CEP89: variants seen among roughly 807,000 people sequenced by gnomAD.
CEP89 encodes the protein centrosomal protein of 89 kDa.
CEP89 carries 95 observed loss-of-function variants against 97.6 expected under a neutral mutation model. The ratio of observed to expected loss-of-function variants is 0.97; its 90% CI spans 0.82 to 1.15. The LOEUF is 1.15. Ranked by LOEUF, CEP89 falls within the 50% of genes most tolerant of loss-of-function variation. The pLI is 0.00. For synonymous variants in CEP89, 354 were observed against 349.1 expected (o/e 1.01, Z -0.16); for missense variants, 869 against 947.7 (o/e 0.92, Z 1.09).
Position 32,879,138 on chromosome 19 carries a change from C to T in CEP89, c.*24G>A, listed in dbSNP as rs1482441009. On this transcript the variant is annotated 3_prime_UTR_variant, in exon 19 of 19. Transcript: ENST00000305768. ...GGCAGACCTTTCAGGCCAGAGGAGGCTACACCACGGGCTCCCGCAGATTCT... is the reference window on the plus strand; with the variant it reads ...GGCAGACCTTTCAGGCCAGAGGAGGTTACACCACGGGCTCCCGCAGATTCT... 6.3e-7 allele frequency: 1 copy of T among 1,578,036 alleles called. No homozygotes were observed. The highest frequency in any genetic ancestry group is 1.8e-5 in the Admixed American group (1 of 56,992).
chr19:32,894,318 T>C (rs566074464), intron 16 of CEP89, among the ~76,000 whole-genome samples: 1 of 152,302 alleles, frequency 6.6e-6, no homozygotes, highest in Non-Finnish European at 1.5e-5. Flanking sequence ...TGCGCCCTTG[T>C]ATGTCAGCAC....
At chr19:32,930,176 C>T (rs182979135) in intron 9 of CEP89, among the ~76,000 whole-genome samples, 2 of 151,936 alleles carry the variant, frequency 1.3e-5, no homozygotes, top group Non-Finnish European at 2.9e-5. Flanking sequence ...CAGGTGCGCA[C>T]GACCATGCCT....
intron 7 of CEP89, 155 bp downstream of exon 7, chr19:32,937,476 T>C (rs1215760609): frequency 6.1e-6 from 4 of 651,270 alleles, no homozygotes; most frequent in Non-Finnish European, 1.1e-5. Context: ...ATACGTCCAC[T>C]ACCTAGTGTT....
At chr19:32,918,385 TG>T (rs778058343) in intron 12 of CEP89, 46 bp from the exon 13 acceptor site, 9 of 1,394,998 alleles carry the variant, frequency 6.5e-6, no homozygotes, top group Non-Finnish European at 9.2e-6. Flanking sequence ...AGGTGCTGAA[TG>T]GTTACAGAAA....
chr19:32,886,428 G>C (rs1207964221), intron 17 of CEP89, among the ~76,000 whole-genome samples: 1 of 152,096 alleles, frequency 6.6e-6, no homozygotes, highest in African/African-American at 2.4e-5. Flanking sequence ...GGTTTGGAGG[G>C]GCTTCTGCCT....
chr19:32,920,176 T>G (rs1246607557), intron 12 of CEP89, among the ~76,000 whole-genome samples: 1 of 152,152 alleles, frequency 6.6e-6, no homozygotes, highest in African/African-American at 2.4e-5. Context: ...TAGCTAGGAC[T>G]ACAGGTGCAT....
chr19:32,892,202 CATATATAT>C (rs71336973), intron 16 of CEP89, among the ~76,000 whole-genome samples: 13,842 of 114,660 alleles, frequency 0.12, 942 homozygotes, highest in Middle Eastern at 0.17. Context: ...TATATTTAGA[CATATATAT>C]ATATATATAT....
chr19:32,971,509 TA>T, intron 1 of CEP89: 1 of 548,132 alleles, frequency 1.8e-6, no homozygotes, highest in South Asian at 2.6e-5. Flanking sequence ...ATTGAACAAT[TA>T]GCCGGGAGTA....
chr19:32,918,431 T>C lies in CEP89; in HGVS notation c.1269-92A>G. 7 of 857,898 alleles carry C rather than the reference T, an allele frequency of 8.2e-6. No homozygotes were observed. The South Asian group carries it at 1.0e-4, about 12-fold the overall frequency. 53.1% of individuals were successfully genotyped at this position (857,898 alleles called of 1,614,324 possible). Reference sequence around the variant, plus strand: ...ATCTAAAAGGAAGCAATGGCTGCATTACAGGTAATGAATATCAAGTCATGT... The same window carrying C: ...ATCTAAAAGGAAGCAATGGCTGCATCACAGGTAATGAATATCAAGTCATGT... On this transcript the variant is annotated intron_variant, in intron 12 of 18. Coordinates refer to ENST00000305768, the MANE Select transcript of CEP89 (RefSeq NM_032816.5).
chr19:32,927,918 T>C (rs12983028), intron 9 of CEP89, among the ~76,000 whole-genome samples: 335 of 126,786 alleles, frequency 2.6e-3, no homozygotes, highest in African/African-American at 6.1e-3. Context: ...TTTTTTTTTT[T>C]CTTTTTTTTT....
intron 16 of CEP89, among the ~76,000 whole-genome samples, chr19:32,897,223 T>G (rs899010079): frequency 4.6e-5 from 7 of 152,236 alleles, no homozygotes; most frequent in Non-Finnish European, 8.8e-5. Context: ...TCTTTCTATG[T>G]AAGACTGAAT....
chr19:32,904,407 G>A (rs1969846798), intron 14 of CEP89, among the ~76,000 whole-genome samples: 1 of 152,110 alleles, frequency 6.6e-6, no homozygotes, highest in Non-Finnish European at 1.5e-5. Context: ...CTGTCAGCTT[G>A]GAATTCTTCA....
At position 32,918,242 on chromosome 19, in the gene CEP89, G is replaced by C; in HGVS notation, c.1366C>G (p.Gln456Glu). ...ACCTCACCTTCTTGGAGGCGCTCCT[G>C]GTGGCTGTCCTTGGCTTTCCTTTGC... is the stretch of plus-strand genomic sequence containing the variant. ...IQQRKAKDSHQERLQEVSKLT... is the reference protein window; with the variant it reads ...IQQRKAKDSHEERLQEVSKLT... Residue 456 changes from glutamine (Q) to glutamate (E), a missense_variant, in exon 13 of 19, where the codon CAG becomes GAG. Physicochemically the swap from Gln to Glu is conservative, Grantham distance 29. Transcript: ENST00000305768. 6.2e-7 allele frequency: 1 copy of C among 1,613,856 alleles called. No homozygotes were observed. Among genetic ancestry groups the C allele is most frequent in the Non-Finnish European group, 8.5e-7 (1 of 1,179,736 alleles).
At position 32,926,303 on chromosome 19, in the gene CEP89, A is replaced by T. The variant is rs761025395; in HGVS notation, c.1081-30T>A. ...AGATAGAGAGTAAAGGAAGGTTAAT[A>T]TATTTCTTACATCTAAACACAACCA... On this transcript the variant is annotated intron_variant, in intron 10 of 18. Transcript: ENST00000305768. The T allele has an allele frequency of 4.0e-6, 6 of 1,505,786 alleles. 1 individual carries two copies. In the South Asian group the frequency reaches 4.6e-5, roughly 12 times the overall value. 93.3% of individuals were successfully genotyped at this position (1,505,786 alleles called of 1,614,324 possible).
intron 3 of CEP89, among the ~76,000 whole-genome samples, chr19:32,957,229 G>A (rs780706036): frequency 2.1e-4 from 32 of 152,038 alleles, no homozygotes; most frequent in Non-Finnish European, 4.4e-5. Flanking sequence ...TGGGATGTTC[G>A]TGGTTAAAAT....
At chr19:32,914,957 G>T (rs1038190516) in intron 14 of CEP89, among the ~76,000 whole-genome samples, 8 of 151,990 alleles carry the variant, frequency 5.3e-5, no homozygotes, top group Non-Finnish European at 8.8e-5. Flanking sequence ...AGGAGGTGGA[G>T]GTTACAGGTG....
chr19:32,898,327 AG>A (rs1419748237), intron 16 of CEP89, among the ~76,000 whole-genome samples: 6 of 152,076 alleles, frequency 3.9e-5, no homozygotes, highest in Non-Finnish European at 8.8e-5. Context: ...GGGCTAAAAA[AG>A]TTGACCTCAT....
rs1333139188 is a variant in CEP89, at chr19:32,931,582, A to C, written c.887-11T>G. On this transcript the variant is annotated splice_polypyrimidine_tract_variant and intron_variant, in intron 8 of 18. Transcript: ENST00000305768. ...ATTCAGGTGCAGCAACTAGGGAAAA[A>C]AATTTAATATTATACTATAAGAAAT... 13 of 1,563,494 alleles carry C rather than the reference A, an allele frequency of 8.3e-6. No individual in the cohort carries two copies. Among genetic ancestry groups the C allele is most frequent in the African/African-American group, 1.4e-5 (1 of 71,956 alleles).
chr19:32,946,455 T>C (rs1568574130), intron 5 of CEP89, among the ~76,000 whole-genome samples: 1 of 152,152 alleles, frequency 6.6e-6, no homozygotes, highest in African/African-American at 2.4e-5. Context: ...TGTTGTGAGA[T>C]GAAAGAAAGG....
Sources: allele counts gnomAD v4.1 joint callset (sites outside exome capture counted in the v4.1 genomes callset), GRCh38; gene constraint gnomAD v4.1.1; transcripts MANE v1.5; gene names NCBI Gene and HGNC (gene_info 2026-07-23, HGNC 2026-07-21).